RXFP2: variants seen among roughly 807,000 people sequenced by gnomAD.
RXFP2 encodes relaxin family peptide receptor 2.
Under a neutral mutation model 88.6 loss-of-function variants are expected in RXFP2, and 68 were observed. That is an observed-to-expected ratio of 0.77 (90% CI 0.63 to 0.94). RXFP2 has a LOEUF of 0.94. Ranked by LOEUF, RXFP2 falls within the 40% of genes least tolerant of loss-of-function variation. RXFP2 has a pLI of 0.00. For synonymous variants in RXFP2, 329 were observed against 306.8 expected, an observed-to-expected ratio of 1.07 and a Z score of -0.76; for missense variants, 791 against 893.9, an observed-to-expected ratio of 0.88 and a Z score of 1.47.
intron 10 of RXFP2, among the ~76,000 whole-genome samples, chr13:31,782,334 G>A (rs1458817721): frequency 1.3e-5 from 2 of 152,110 alleles, no homozygotes; most frequent in Non-Finnish European, 2.9e-5. Flanking sequence ...TCCACATTTA[G>A]TAAGCACTTA....
intron 8 of RXFP2, among the ~76,000 whole-genome samples, chr13:31,778,110 T>A (rs1394365886): frequency 6.6e-6 from 1 of 152,194 alleles, no homozygotes. Flanking sequence ...CAGTTTCCAA[T>A]GTGGCCCTTT....
chr13:31,768,103 G>T (rs915378415), intron 5 of RXFP2, among the ~76,000 whole-genome samples: 4 of 152,180 alleles, frequency 2.6e-5, no homozygotes, highest in Non-Finnish European at 4.4e-5. Flanking sequence ...AGTGAAAAAA[G>T]ATAGAGACTA....
intron 1 of RXFP2, among the ~76,000 whole-genome samples, chr13:31,749,379 C>A: frequency 6.6e-6 from 1 of 152,200 alleles, no homozygotes; most frequent in East Asian, 1.9e-4. Context: ...TGAGTCCTCT[C>A]TCCTTGTTCT....
intron 5 of RXFP2, 36 bp from the exon 6 acceptor site, chr13:31,774,584 C>T: frequency 9.6e-7 from 1 of 1,044,878 alleles, no homozygotes; most frequent in South Asian, 1.3e-5. Context: ...GTCCATAAAC[C>T]ATAATCACCT....
intron 1 of RXFP2, 128 bp downstream of exon 1, chr13:31,739,834 G>C: frequency 1.4e-6 from 1 of 704,352 alleles, no homozygotes; most frequent in Admixed American, 2.1e-5. Context: ...AATTTGCCTG[G>C]TATTTGTCAT....
At chr13:31,786,681 T>G in intron 13 of RXFP2, 44 bp downstream of exon 13, 2 of 1,210,466 alleles carry the variant, frequency 1.7e-6, no homozygotes, top group Non-Finnish European at 2.4e-6. Flanking sequence ...TTTTAGTGGA[T>G]GTACTTAGAG....
intron 3 of RXFP2, among the ~76,000 whole-genome samples, chr13:31,762,774 A>G (rs1204531081): frequency 6.6e-6 from 1 of 152,174 alleles, no homozygotes; most frequent in East Asian, 1.9e-4. Flanking sequence ...AGAAAGTAAA[A>G]AAGGATAAGA....
At chr13:31,749,371 A>G (rs1871565975) in intron 1 of RXFP2, among the ~76,000 whole-genome samples, 1 of 152,190 alleles carries the variant, frequency 6.6e-6, no homozygotes, top group Non-Finnish European at 1.5e-5. Flanking sequence ...ACAGATAATG[A>G]GTCCTCTCTC....
At chr13:31,755,872 G>A (rs888170460) in intron 1 of RXFP2, among the ~76,000 whole-genome samples, 1 of 152,132 alleles carries the variant, frequency 6.6e-6, no homozygotes, top group Non-Finnish European at 1.5e-5. Flanking sequence ...AAATTCCAAT[G>A]AGCAGAAAAG....
chr13:31,760,873 T>C (rs1872272491), intron 2 of RXFP2, among the ~76,000 whole-genome samples: 1 of 152,218 alleles, frequency 6.6e-6, no homozygotes, highest in African/African-American at 2.4e-5. Flanking sequence ...GAGGAAAATT[T>C]GGCAAATAAA....
intron 5 of RXFP2, 70 bp from the exon 6 acceptor site, chr13:31,774,550 G>A (rs937254296): frequency 1.2e-6 from 1 of 825,756 alleles, no homozygotes; most frequent in Non-Finnish European, 2.2e-6. Flanking sequence ...AGAAAGTGGA[G>A]AATATGTTCA....
chr13:31,758,729 G>A (rs1213513034), intron 2 of RXFP2, among the ~76,000 whole-genome samples: 1 of 151,958 alleles, frequency 6.6e-6, no homozygotes, highest in African/African-American at 2.4e-5. Flanking sequence ...TGGTAATTTG[G>A]TTCAGCTTCA....
At chr13:31,798,855 T>C (rs1487564213) in intron 17 of RXFP2, among the ~76,000 whole-genome samples, 1 of 152,148 alleles carries the variant, frequency 6.6e-6, no homozygotes, top group East Asian at 1.9e-4. Context: ...CTTCCCATCC[T>C]CCAAGGCTCA....
chr13:31,762,467 G>A (rs1872344649), intron 3 of RXFP2, among the ~76,000 whole-genome samples: 1 of 152,230 alleles, frequency 6.6e-6, no homozygotes, highest in Non-Finnish European at 1.5e-5. Flanking sequence ...AGGTGGAGGG[G>A]CAGGAGCCGA....
intron 1 of RXFP2, among the ~76,000 whole-genome samples, chr13:31,756,713 C>G (rs1413000162): frequency 1.3e-5 from 2 of 151,886 alleles, no homozygotes; most frequent in Non-Finnish European, 2.9e-5. Context: ...CCTCTGCCCC[C>G]CAAGTTCAAG....
intron 16 of RXFP2, among the ~76,000 whole-genome samples, chr13:31,795,984 G>C (rs1874016840): frequency 6.9e-6 from 1 of 144,302 alleles, no homozygotes; most frequent in East Asian, 2.1e-4. Context: ...TTAATTTACT[G>C]TAAGAAACAT....
chr13:31,748,093 C>T (rs897558492), intron 1 of RXFP2, among the ~76,000 whole-genome samples: 9 of 152,148 alleles, frequency 5.9e-5, no homozygotes, highest in African/African-American at 2.2e-4. Flanking sequence ...TATGGTATGT[C>T]ATTGAGAAAT....
chr13:31,761,584 TCTCTTA>T (rs1872304318), intron 2 of RXFP2, 134 bp from the exon 3 acceptor site: 2 of 621,422 alleles, frequency 3.2e-6, no homozygotes, highest in South Asian at 3.4e-5. Context: ...TAACTTTTTC[TCTCTTA>T]CTATGTATTT....
chr13:31,779,230 A>G (rs1213527219), intron 9 of RXFP2, among the ~76,000 whole-genome samples: 5 of 148,952 alleles, frequency 3.4e-5, no homozygotes, highest in African/African-American at 1.2e-4. Context: ...GGTTCAAGTG[A>G]TTCTCCTGCC....
Sources: gnomAD v4.1 joint callset for allele counts (sites outside exome capture counted in the v4.1 genomes callset) on GRCh38, gnomAD v4.1.1 for gene constraint, MANE v1.5 for transcripts, NCBI Gene and HGNC (gene_info 2026-07-23, HGNC 2026-07-21) for gene names.